SEMA3A: variants seen among roughly 807,000 people sequenced by gnomAD.
SEMA3A encodes the protein semaphorin-3A.
A neutral mutation model predicts 97.9 loss-of-function variants in SEMA3A; 29 were observed. The observed-to-expected ratio is 0.30, with a 90% CI of 0.22 to 0.40. The LOEUF is 0.40. SEMA3A is among the 10% of genes least tolerant of loss of function. SEMA3A has a pLI of 1.00. For missense variants in SEMA3A, 763 were observed against 951.3 expected (o/e 0.80, Z 2.60); for synonymous variants, 321 against 323.7 (o/e 0.99, Z 0.09).
chr7:84,347,816 C>A (rs1326378815), intron 2 of SEMA3A, among the ~76,000 whole-genome samples: 1 of 152,090 alleles, frequency 6.6e-6, no homozygotes, highest in Non-Finnish European at 1.5e-5. Context: ...ATTCATACAG[C>A]AGATGAGTGG....
intron 1 of SEMA3A, among the ~76,000 whole-genome samples, chr7:84,142,938 T>A (rs1001477252): frequency 6.6e-6 from 1 of 152,146 alleles, no homozygotes; most frequent in Non-Finnish European, 1.5e-5. Context: ...AAGTTTGTTG[T>A]AAGTATCAAT....
intron 1 of SEMA3A, among the ~76,000 whole-genome samples, chr7:84,148,057 G>A (rs1201360422): frequency 6.6e-6 from 1 of 151,496 alleles, no homozygotes; most frequent in Non-Finnish European, 1.5e-5. Context: ...TTACAGGCAT[G>A]AGCCACCATG....
chr7:84,190,665 CTT>C (rs1798011273), intron 1 of SEMA3A, among the ~76,000 whole-genome samples: 2 of 149,080 alleles, frequency 1.3e-5, no homozygotes, highest in East Asian at 3.9e-4. Flanking sequence ...TCCATGAAAA[CTT>C]TTCATGGGAC....
chr7:84,011,852 G>A (rs1562971425), intron 7 of SEMA3A, among the ~76,000 whole-genome samples: 1 of 151,942 alleles, frequency 6.6e-6, no homozygotes, highest in Non-Finnish European at 1.5e-5. Context: ...ACATTGTTTT[G>A]TACTCATAAA....
At chr7:84,004,906 T>A (rs1028157208) in intron 11 of SEMA3A, among the ~76,000 whole-genome samples, 1 of 152,170 alleles carries the variant, frequency 6.6e-6, no homozygotes, top group Non-Finnish European at 1.5e-5. Context: ...GGTCCACTTA[T>A]ATACAAATCT....
intron 1 of SEMA3A, among the ~76,000 whole-genome samples, chr7:84,456,547 TAGAA>T (rs1805690045): frequency 7.2e-5 from 11 of 151,788 alleles, no homozygotes; most frequent in Admixed American, 5.3e-4. Context: ...ATTAATCAAA[TAGAA>T]AGATTTACAT....
chr7:84,249,368 CATCT>C (rs60537339), intron 3 of SEMA3A, among the ~76,000 whole-genome samples: 6,529 of 143,176 alleles, frequency 0.046, 150 homozygotes, highest in African/African-American at 0.069. Flanking sequence ...CTCTGTCTAT[CATCT>C]ATCTATCTAT....
intron 1 of SEMA3A, among the ~76,000 whole-genome samples, chr7:84,146,557 G>A (rs971284201): frequency 2.0e-5 from 3 of 152,068 alleles, no homozygotes; most frequent in Non-Finnish European, 2.9e-5. Context: ...AATAACTAAT[G>A]AGCAATATTA....
chr7:84,260,764 G>C (rs1799833072), intron 3 of SEMA3A, among the ~76,000 whole-genome samples: 1 of 152,166 alleles, frequency 6.6e-6, no homozygotes, highest in Non-Finnish European at 1.5e-5. Context: ...AGGCCTTCAG[G>C]CAACCCTCAG....
chr7:84,460,447 T>C (rs993803832), intron 1 of SEMA3A, among the ~76,000 whole-genome samples: 4 of 152,136 alleles, frequency 2.6e-5, no homozygotes, highest in African/African-American at 9.7e-5. Context: ...TTAATAATCA[T>C]TTTAGATGAT....
At chr7:84,264,547 C>T (rs1360741953) in intron 3 of SEMA3A, among the ~76,000 whole-genome samples, 2 of 152,110 alleles carry the variant, frequency 1.3e-5, no homozygotes, top group African/African-American at 4.8e-5. Flanking sequence ...AATTGTGGAT[C>T]CATGTGGTTC....
At chr7:84,345,862 A>T (rs189186197) in intron 2 of SEMA3A, among the ~76,000 whole-genome samples, 3 of 152,324 alleles carry the variant, frequency 2.0e-5, no homozygotes, top group Admixed American at 2.0e-4. Flanking sequence ...CCTCCCATGA[A>T]CTACAAATGT....
chr7:84,048,914 G>C (rs751852001), intron 5 of SEMA3A, among the ~76,000 whole-genome samples: 1 of 151,902 alleles, frequency 6.6e-6, no homozygotes, highest in Admixed American at 6.6e-5. Context: ...ACTATTACTT[G>C]GATAGAAAAG....
chr7:84,370,860 A>C (rs1802956167), intron 2 of SEMA3A, among the ~76,000 whole-genome samples: 1 of 151,512 alleles, frequency 6.6e-6, no homozygotes, highest in East Asian at 1.9e-4. Flanking sequence ...AAAGATTCTC[A>C]GTTCCCCTAA....
intron 3 of SEMA3A, among the ~76,000 whole-genome samples, chr7:84,236,376 A>T (rs565697968): frequency 6.6e-6 from 1 of 152,214 alleles, no homozygotes; most frequent in East Asian, 1.9e-4. Context: ...TAGATATCCA[A>T]TATAACCTCC....
intron 1 of SEMA3A, among the ~76,000 whole-genome samples, chr7:84,379,915 T>C (rs760630624): frequency 6.6e-6 from 1 of 152,158 alleles, no homozygotes; most frequent in Non-Finnish European, 1.5e-5. Context: ...TATAGTTAGA[T>C]TTGTTTGGCA....
At position 84,099,129 on chromosome 7, in the gene SEMA3A, G is replaced by A. The variant is rs1350342221; in HGVS notation, c.453+11341C>T. 1.2e-4 allele frequency among the ~76,000 whole-genome samples: 6 copies of A among 49,814 alleles called. 3 individuals are homozygous for A. The highest frequency in any genetic ancestry group is 3.8e-4 in the Non-Finnish European group (6 of 15,676). The allele number at this position is 49,814 out of a possible 152,430, so 32.7% of individuals were successfully genotyped here. A position where few individuals can be genotyped will look rare whatever the true frequency, so the allele number is the denominator to read the frequency against. On this transcript the variant is annotated intron_variant, in intron 4 of 16. Transcript: ENST00000265362. ...TCTGTCGCCCAGGCTGGAGTGCAGT[G>A]GCGCGATCTCGGCTCACTGCAAGCT... is the stretch of plus-strand genomic sequence containing the variant.
chr7:84,229,435 C>CTATTTAACCTTGGATTAT (rs1230826599), intron 3 of SEMA3A, among the ~76,000 whole-genome samples: 2 of 152,084 alleles, frequency 1.3e-5, no homozygotes, highest in Non-Finnish European at 2.9e-5. Context: ...CATTATCAAT[C>CTATTTAACCTTGGATTAT]TATTTAACCT....
chr7:84,001,929 G>A, intron 12 of SEMA3A, 26 bp downstream of exon 12: 1 of 1,527,516 alleles, frequency 6.5e-7, no homozygotes, highest in Non-Finnish European at 9.1e-7. Context: ...TGAACTTGTT[G>A]ACACTTGAAA....
Sources: gnomAD v4.1 joint callset for allele counts (sites outside exome capture counted in the v4.1 genomes callset) on GRCh38, gnomAD v4.1.1 for gene constraint, MANE v1.5 for transcripts, NCBI Gene and HGNC (gene_info 2026-07-23, HGNC 2026-07-21) for gene names.